ROBO2: variants seen among roughly 807,000 people sequenced by gnomAD.
ROBO2 encodes the protein roundabout guidance receptor 2.
Under a neutral mutation model 160.8 loss-of-function variants are expected in ROBO2, and 53 were observed. The observed-to-expected ratio is 0.33, with a 90% CI of 0.26 to 0.41. The LOEUF (loss-of-function observed/expected upper bound fraction) is 0.41. ROBO2 is among the 10% of genes least tolerant of loss of function. ROBO2 has a pLI of 1.00. For synonymous variants in ROBO2, 664 were observed against 611.7 expected (o/e 1.09, Z -1.26); for missense variants, 1,577 against 1,722.4 (o/e 0.92, Z 1.49).
At chr3:77,035,227 A>G (rs571881650), upstream of ROBO2, among the ~76,000 whole-genome samples, 15 of 152,018 alleles carry the variant, frequency 9.9e-5, no homozygotes, top group Middle Eastern at 3.4e-3. Flanking sequence ...GGGGTAATGG[A>G]CCTTCTTGAA....
At chr3:77,589,169 AT>A (rs1172708955) in intron 17 of ROBO2, among the ~76,000 whole-genome samples, 1 of 152,088 alleles carries the variant, frequency 6.6e-6, no homozygotes, top group African/African-American at 2.4e-5. Context: ...GCACAGACTG[AT>A]AAAAATGCTT....
intron 2 of ROBO2, among the ~76,000 whole-genome samples, chr3:76,059,845 T>C (rs1216017226): frequency 6.6e-6 from 1 of 152,190 alleles, no homozygotes; most frequent in Admixed American, 6.5e-5. Context: ...GAGGAAAGGA[T>C]CCAGTTTCAG....
At chr3:76,882,866 A>G (rs2148759649) in intron 2 of ROBO2, among the ~76,000 whole-genome samples, 1 of 152,326 alleles carries the variant, frequency 6.6e-6, no homozygotes, top group African/African-American at 2.4e-5. Context: ...TCTTTGAATG[A>G]TAATTTTGAA....
intron 2 of ROBO2, among the ~76,000 whole-genome samples, chr3:77,171,080 A>C (rs1361575020): frequency 2.0e-5 from 3 of 152,140 alleles, no homozygotes. Flanking sequence ...TGGGAAGGAC[A>C]ATATGAATTT....
intron 2 of ROBO2, among the ~76,000 whole-genome samples, chr3:77,191,675 G>C (rs561541475): frequency 6.6e-6 from 1 of 152,292 alleles, no homozygotes; most frequent in South Asian, 2.1e-4. Context: ...AGCTAATGCT[G>C]TTCCATTTAG....
chr3:77,186,623 A>G (rs1254841685), intron 2 of ROBO2, among the ~76,000 whole-genome samples: 1 of 151,934 alleles, frequency 6.6e-6, no homozygotes, highest in Non-Finnish European at 1.5e-5. Context: ...TATTGAGAGA[A>G]TTGCTTTTAA....
chr3:76,563,565 G>T (rs1355646094), intron 2 of ROBO2, among the ~76,000 whole-genome samples: 2 of 152,096 alleles, frequency 1.3e-5, no homozygotes, highest in African/African-American at 4.8e-5. Flanking sequence ...TGAATTCCCA[G>T]ATCTTTGTTA....
intron 2 of ROBO2, among the ~76,000 whole-genome samples, chr3:76,501,952 G>A (rs909683855): frequency 6.6e-6 from 1 of 151,762 alleles, no homozygotes; most frequent in African/African-American, 2.4e-5. Flanking sequence ...CAACTATTGT[G>A]GAATTAATTT....
intron 2 of ROBO2, among the ~76,000 whole-genome samples, chr3:77,333,400 G>T (rs552289666): frequency 6.6e-6 from 1 of 152,026 alleles, no homozygotes; most frequent in Non-Finnish European, 1.5e-5. Context: ...CTAGATTTTC[G>T]TTTTATTAGA....
intron 2 of ROBO2, among the ~76,000 whole-genome samples, chr3:76,714,086 C>A (rs915454159): frequency 6.6e-6 from 1 of 151,914 alleles, no homozygotes; most frequent in African/African-American, 2.4e-5. Context: ...TCTTTTAATA[C>A]CTGTAGGTTT....
chr3:77,009,919 C>G (rs1344489022), intron 2 of ROBO2, among the ~76,000 whole-genome samples: 2 of 132,568 alleles, frequency 1.5e-5, no homozygotes, highest in Admixed American at 1.7e-4. Context: ...GCACTCCAGC[C>G]TGAGTGACAG....
chr3:76,042,252 G>T (rs2067296502), intron 2 of ROBO2, among the ~76,000 whole-genome samples: 1 of 151,942 alleles, frequency 6.6e-6, no homozygotes, highest in Non-Finnish European at 1.5e-5. Context: ...TAAAGTACTT[G>T]ATTTTAATGC....
chr3:76,960,304 A>G (rs1008716299), intron 2 of ROBO2, among the ~76,000 whole-genome samples: 31 of 152,246 alleles, frequency 2.0e-4, no homozygotes, highest in Middle Eastern at 3.4e-3. Flanking sequence ...TATTCAGAAG[A>G]AAGTTAGAGG....
intron 2 of ROBO2, among the ~76,000 whole-genome samples, chr3:76,580,996 G>C (rs571345154): frequency 1.3e-5 from 2 of 152,100 alleles, no homozygotes. Context: ...AAGCCAAGAA[G>C]TCATTTGCTT....
intron 2 of ROBO2, among the ~76,000 whole-genome samples, chr3:76,197,093 G>A (rs1460534869): frequency 6.6e-6 from 1 of 151,958 alleles, no homozygotes; most frequent in Non-Finnish European, 1.5e-5. Flanking sequence ...TCTCCTTTTG[G>A]GGAGTGATAA....
At chr3:76,283,167 T>TATATATATATATATATATATATATAA (rs1576253117) in intron 2 of ROBO2, among the ~76,000 whole-genome samples, 1 of 141,422 alleles carries the variant, frequency 7.1e-6, no homozygotes, top group Admixed American at 7.3e-5. Context: ...TACATATATA[T>TATATATATATATATATATATATATAA]AGTGACCCCT....
chr3:77,425,704 G>T lies in ROBO2; in HGVS notation c.389-51710G>T, dbSNP rs377013820. On this transcript the variant is annotated intron_variant, in intron 2 of 25. Coordinates refer to ENST00000461745, the Ensembl canonical transcript of ROBO2. ...TTTTTTGATGGAGTCTCTCTGTGTC[G>T]CCCAGGCTGGAATGCAGTGGCATGA... Among the ~76,000 whole-genome samples the T allele has an allele frequency of 1.3e-4, 20 of 148,362 alleles. No individual in the cohort carries two copies. In the East Asian group the frequency reaches 1.4e-3, roughly 10 times the overall value.
chr3:76,273,017 A>C lies in ROBO2; in HGVS notation c.109+335415A>C, dbSNP rs1443083577. 7.5e-4 allele frequency among the ~76,000 whole-genome samples: 73 copies of C among 97,906 alleles called. 1 individual carries two copies. Among genetic ancestry groups the C allele is most frequent in the South Asian group, 2.1e-3 (8 of 3,898 alleles). The allele number at this position is 97,906 out of a possible 152,430, so 64.2% of individuals were successfully genotyped here. On this transcript the variant is annotated intron_variant, in intron 2 of 26. Transcript: ENST00000487694. ...TATAATTTATATATAAAAATATATT[A>C]TATATAATATATATTTATAAAATAT...
intron 2 of ROBO2, among the ~76,000 whole-genome samples, chr3:76,855,224 T>A (rs2069919462): frequency 6.6e-6 from 1 of 152,212 alleles, no homozygotes; most frequent in African/African-American, 2.4e-5. Flanking sequence ...ATTTAAATTA[T>A]AACCTCAAAT....
Sources: gnomAD v4.1 joint callset for allele counts (sites outside exome capture counted in the v4.1 genomes callset) on GRCh38, gnomAD v4.1.1 for gene constraint, MANE v1.5 for transcripts, NCBI Gene and HGNC (gene_info 2026-07-23, HGNC 2026-07-21) for gene names.